FRMD4A: variants seen among roughly 807,000 people sequenced by gnomAD.
FRMD4A encodes FERM domain-containing protein 4A.
Under a neutral mutation model 129.1 loss-of-function variants are expected in FRMD4A, and 29 were observed. The ratio of observed to expected loss-of-function variants is 0.22; its 90% CI spans 0.17 to 0.31. The LOEUF (loss-of-function observed/expected upper bound fraction) is 0.31, where lower values mean the gene tolerates loss of function less well. Ranked by LOEUF, FRMD4A falls within the 10% of genes least tolerant of loss-of-function variation. The pLI is 1.00. For missense variants in FRMD4A, 1,272 were observed against 1,375.8 expected (o/e 0.92, Z 1.19); for synonymous variants, 634 against 571.6 (o/e 1.11, Z -1.56).
At chr10:14,207,686 CCACACACA>C (rs56740311) in intron 2 of FRMD4A, among the ~76,000 whole-genome samples, 4 of 145,940 alleles carry the variant, frequency 2.7e-5, no homozygotes, top group East Asian at 4.1e-4. Context: ...TCCTAGGTAA[CCACACACA>C]CACACACACA....
chr10:13,699,654 G>A (rs1237424236), intron 14 of FRMD4A, among the ~76,000 whole-genome samples: 2 of 152,082 alleles, frequency 1.3e-5, no homozygotes, highest in Admixed American at 6.5e-5. Context: ...GCCGTCAAGG[G>A]GAACTGGCAG....
intron 2 of FRMD4A, among the ~76,000 whole-genome samples, chr10:14,305,435 C>G (rs901402929): frequency 2.6e-5 from 4 of 152,058 alleles, no homozygotes; most frequent in Non-Finnish European, 5.9e-5. Flanking sequence ...TATTTGTATC[C>G]CCAGTATAAC....
chr10:14,166,011 GA>G (rs1026102124), intron 2 of FRMD4A, among the ~76,000 whole-genome samples: 48 of 150,844 alleles, frequency 3.2e-4, no homozygotes, highest in Non-Finnish European at 6.1e-4. Context: ...TCTGAAGTTA[GA>G]AAAAAAACTG....
rs1215527867 is a variant in FRMD4A at position 14,175,660 on chromosome 10, G to T, written c.45+154398C>A. ...CTGCCTCAGCCTCCTGAATATCTGT[G>T]ACTGTAGGCATGCACCACCATGCCC... On this transcript the variant is annotated intron_variant, in intron 2 of 24. Coordinates refer to ENST00000357447, the MANE Select transcript of FRMD4A (RefSeq NM_018027.5). Among the ~76,000 whole-genome samples the T allele has an allele frequency of 5.3e-5, 8 of 151,528 alleles. No individual in the cohort carries two copies. In the East Asian group the frequency reaches 1.6e-3, roughly 30 times the overall value.
intron 2 of FRMD4A, chr10:14,008,037 A>G (rs2095668113): frequency 3.1e-6 from 4 of 1,298,754 alleles, no homozygotes; most frequent in Non-Finnish European, 4.1e-6. Context: ...ACTGAGAAGC[A>G]AACAACCCGC....
intron 2 of FRMD4A, among the ~76,000 whole-genome samples, chr10:13,986,490 A>G (rs1422531402): frequency 9.7e-6 from 1 of 103,072 alleles, no homozygotes; most frequent in Non-Finnish European, 1.8e-5. Flanking sequence ...CACTCTGGGA[A>G]CTGTTGTGGG....
intron 2 of FRMD4A, among the ~76,000 whole-genome samples, chr10:14,136,673 C>T (rs562035784): frequency 1.3e-5 from 2 of 148,606 alleles, no homozygotes; most frequent in East Asian, 4.2e-4. Context: ...CCCTGCCCAT[C>T]CCCACCCGCT....
chr10:13,706,958 G>A (rs954341258), intron 13 of FRMD4A, 79 bp downstream of exon 13: 5 of 780,834 alleles, frequency 6.4e-6, no homozygotes, highest in Non-Finnish European at 1.2e-5. Context: ...CATGAACAAC[G>A]ACAGCCCCAA....
intron 2 of FRMD4A, among the ~76,000 whole-genome samples, chr10:14,318,057 A>G (rs1459695490): frequency 6.6e-6 from 1 of 152,176 alleles, no homozygotes; most frequent in African/African-American, 2.4e-5. Flanking sequence ...AGGAAAACAA[A>G]TAGTTGTTGA....
At chr10:13,722,337 C>T (rs9664043) in intron 12 of FRMD4A, among the ~76,000 whole-genome samples, 147,699 of 149,788 alleles carry the variant, frequency 0.99, 72,852 homozygotes, top group Middle Eastern at 1. Flanking sequence ...GCTCAAGTAA[C>T]CCCCCCACCT....
intron 2 of FRMD4A, among the ~76,000 whole-genome samples, chr10:14,155,272 G>A (rs1367637391): frequency 6.6e-6 from 1 of 152,190 alleles, no homozygotes; most frequent in Admixed American, 6.5e-5. Context: ...TCTGGCCTGG[G>A]AGACAGAGCA....
chr10:13,848,080 TGTTTTAATC>T (rs1329223251), intron 3 of FRMD4A, among the ~76,000 whole-genome samples: 3 of 152,228 alleles, frequency 2.0e-5, no homozygotes, highest in Non-Finnish European at 2.9e-5. Flanking sequence ...GAGTTGAGTT[TGTTTTAATC>T]TCCCCAATCC....
intron 2 of FRMD4A, among the ~76,000 whole-genome samples, chr10:14,182,719 C>T (rs1841953687): frequency 6.6e-6 from 1 of 152,172 alleles, no homozygotes; most frequent in African/African-American, 2.4e-5. Flanking sequence ...GCAGGTTCGA[C>T]CGGGGGCTCT....
intron 2 of FRMD4A, among the ~76,000 whole-genome samples, chr10:14,119,059 A>G (rs565575578): frequency 3.2e-4 from 49 of 152,258 alleles, no homozygotes; most frequent in African/African-American, 1.1e-3. Flanking sequence ...TTAGTTTCCA[A>G]CTGAGCATGC....
intron 2 of FRMD4A, among the ~76,000 whole-genome samples, chr10:13,879,040 T>C (rs1418397645): frequency 6.6e-6 from 1 of 152,182 alleles, no homozygotes. Flanking sequence ...GTGGTGATGG[T>C]TTCCCAGGTA....
chr10:14,072,454 A>G (rs1458271092), intron 2 of FRMD4A, among the ~76,000 whole-genome samples: 1 of 152,226 alleles, frequency 6.6e-6, no homozygotes. Context: ...AAAAGTCGAA[A>G]ATATTATAAG....
chr10:13,838,718 T>A (rs531243551), intron 3 of FRMD4A, among the ~76,000 whole-genome samples: 81 of 152,100 alleles, frequency 5.3e-4, no homozygotes, highest in Non-Finnish European at 1.0e-3. Flanking sequence ...GCCTCAAACT[T>A]CTAACCTCAA....
At chr10:14,258,165 G>T (rs1844680626) in intron 2 of FRMD4A, among the ~76,000 whole-genome samples, 1 of 151,492 alleles carries the variant, frequency 6.6e-6, no homozygotes, top group East Asian at 1.9e-4. Flanking sequence ...ACTAAAAAAA[G>T]AAATACATTT....
intron 4 of FRMD4A, among the ~76,000 whole-genome samples, chr10:13,804,577 C>T (rs951430717): frequency 1.5e-5 from 2 of 135,380 alleles, no homozygotes; most frequent in African/African-American, 5.9e-5. Context: ...CGGAGTCTCG[C>T]TCTGTCGCCA....
Sources: allele counts gnomAD v4.1 joint callset (sites outside exome capture counted in the v4.1 genomes callset), GRCh38; gene constraint gnomAD v4.1.1; transcripts MANE v1.5; gene names NCBI Gene and HGNC (gene_info 2026-07-23, HGNC 2026-07-21).